Variants in KIAA1217 observed in about 807,000 individuals in gnomAD.
KIAA1217 encodes KIAA1217.
KIAA1217 carries 88 observed loss-of-function variants against 163.9 expected under a neutral mutation model. The observed-to-expected ratio is 0.54, with a 90% CI of 0.45 to 0.64. KIAA1217 has a LOEUF of 0.64. Ranked by LOEUF, KIAA1217 falls within the 30% of genes least tolerant of loss-of-function variation. The probability of loss-of-function intolerance (pLI) is 0.00; values close to 1 mark genes in which losing one functional copy is unlikely to be tolerated. For missense variants in KIAA1217, 2,372 were observed against 2,475.0 expected (o/e 0.96, Z 0.88); for synonymous variants, 903 against 923.1 (o/e 0.98, Z 0.39).
chr10:23,917,948 G>C (rs1682589556), intron 1 of KIAA1217, among the ~76,000 whole-genome samples: 1 of 152,150 alleles, frequency 6.6e-6, no homozygotes, highest in South Asian at 2.1e-4. Flanking sequence ...AACAAGACCA[G>C]TTTTAGCTTA....
intron 1 of KIAA1217, among the ~76,000 whole-genome samples, chr10:23,855,906 A>G (rs989830484): frequency 1.3e-5 from 2 of 151,986 alleles, no homozygotes; most frequent in South Asian, 2.1e-4. Context: ...CTAGTTATAC[A>G]TTTGTCTAAA....
At chr10:24,311,812 C>T (rs749668505) in intron 2 of KIAA1217, among the ~76,000 whole-genome samples, 9 of 151,946 alleles carry the variant, frequency 5.9e-5, no homozygotes, top group Admixed American at 3.3e-4. Flanking sequence ...AAAAGAAGTG[C>T]CGTTAGAATA....
intron 1 of KIAA1217, among the ~76,000 whole-genome samples, chr10:23,919,873 C>A (rs182925320): frequency 6.6e-6 from 1 of 152,260 alleles, no homozygotes; most frequent in African/African-American, 2.4e-5. Context: ...CCTTGGCCAC[C>A]TAGTTCCTTC....
At chr10:24,468,554 G>A (rs1024655221) in intron 5 of KIAA1217, among the ~76,000 whole-genome samples, 7 of 152,146 alleles carry the variant, frequency 4.6e-5, no homozygotes, top group African/African-American at 1.2e-4. Context: ...TGTATTCAGC[G>A]CCACTGTGGA....
chr10:24,071,060 C>A (rs796476461), intron 2 of KIAA1217, among the ~76,000 whole-genome samples: 1 of 151,946 alleles, frequency 6.6e-6, no homozygotes, highest in East Asian at 1.9e-4. Context: ...CCTAATGAGA[C>A]CAATTGAAGG....
At chr10:24,315,350 C>G (rs191759097) in intron 2 of KIAA1217, among the ~76,000 whole-genome samples, 1 of 152,234 alleles carries the variant, frequency 6.6e-6, no homozygotes, top group East Asian at 1.9e-4. Flanking sequence ...AAAGGGAAAC[C>G]CTCTAAGTAC....
chr10:24,024,996 C>A (rs1237862192), intron 2 of KIAA1217, among the ~76,000 whole-genome samples: 1 of 151,692 alleles, frequency 6.6e-6, no homozygotes, highest in Non-Finnish European at 1.5e-5. Flanking sequence ...CATTTCCTTA[C>A]CTTTAACTTT....
In KIAA1217 at chr10:24,187,124, C is replaced by T. The variant is rs117054200; in HGVS notation, c.-170-32502C>T. On this transcript the variant is annotated intron_variant, in intron 2 of 18. Coordinates refer to the KIAA1217 transcript ENST00000376462. The stretch of plus-strand genomic sequence containing the variant: ...GTCTGCCAGTCTGACCATTGTCCAT[C>T]GGAGCTGTTCATTAACTAATTGCAG... Among the ~76,000 whole-genome samples the T allele has an allele frequency of 3.7e-3, 393 of 105,424 alleles. 13 individuals are homozygous for T. The East Asian group carries it at 0.066, about 18-fold the overall frequency. 69.2% of individuals were successfully genotyped at this position (105,424 alleles called of 152,430 possible). A position where few individuals can be genotyped will look rare whatever the true frequency, so the allele number is the denominator to read the frequency against.
At chr10:24,055,560 C>T (rs1432808419) in intron 2 of KIAA1217, among the ~76,000 whole-genome samples, 1 of 152,164 alleles carries the variant, frequency 6.6e-6, no homozygotes, top group African/African-American at 2.4e-5. Context: ...ATTTGCATGA[C>T]ATAATTATTT....
intron 2 of KIAA1217, among the ~76,000 whole-genome samples, chr10:24,298,120 G>A (rs1366100747): frequency 2.6e-5 from 4 of 152,110 alleles, no homozygotes; most frequent in Non-Finnish European, 4.4e-5. Context: ...TTTCAATTGA[G>A]AGGATACTGT....
intron 2 of KIAA1217, among the ~76,000 whole-genome samples, chr10:24,048,114 A>G (rs891300110): frequency 6.6e-6 from 1 of 152,224 alleles, no homozygotes; most frequent in Non-Finnish European, 1.5e-5. Context: ...TCAAGGGTAC[A>G]GTATGTAATC....
At chr10:24,278,673 G>C (rs949476938) in intron 2 of KIAA1217, among the ~76,000 whole-genome samples, 1 of 152,124 alleles carries the variant, frequency 6.6e-6, no homozygotes, top group Admixed American at 6.6e-5. Context: ...CCTAATGTGT[G>C]CTGTCTAGTG....
At chr10:24,421,280 A>G (rs1417490156) in intron 3 of KIAA1217, among the ~76,000 whole-genome samples, 1 of 152,212 alleles carries the variant, frequency 6.6e-6, no homozygotes, top group African/African-American at 2.4e-5. Flanking sequence ...TGCTGGGATT[A>G]CAGACGTGAA....
chr10:24,239,695 GTT>G (rs201916923), intron 2 of KIAA1217, among the ~76,000 whole-genome samples: 35,261 of 140,030 alleles, frequency 0.25, 4,478 homozygotes, highest in East Asian at 0.34. Context: ...GTGTGTGTGT[GTT>G]TGTGTGTGTG....
intron 2 of KIAA1217, among the ~76,000 whole-genome samples, chr10:24,176,308 T>C (rs931385858): frequency 1.3e-5 from 2 of 152,074 alleles, no homozygotes; most frequent in Admixed American, 1.3e-4. Flanking sequence ...AGAGTGCTGA[T>C]TGGTGCATTT....
rs76526372 is a variant in KIAA1217 at position 23,696,875 on chromosome 10, G to C, written c.-321+1641G>C. ...AGGTCATCAGCAAGTACTGTTAAAT[G>C]AATAAATGAATGCATGAATTATGCA... On this transcript the variant is annotated intron_variant, in intron 1 of 18. Coordinates refer to the KIAA1217 transcript ENST00000376462. Among the ~76,000 whole-genome samples, 173 of 152,320 alleles carry C rather than the reference G, an allele frequency of 1.1e-3. 11 individuals are homozygous for C. The East Asian group carries it at 0.027, about 23-fold the overall frequency.
At chr10:24,095,936 C>T (rs1420669741) in intron 2 of KIAA1217, among the ~76,000 whole-genome samples, 1 of 152,084 alleles carries the variant, frequency 6.6e-6, no homozygotes, top group Non-Finnish European at 1.5e-5. Context: ...TGAGACCTGT[C>T]TCCGAAAAAC....
At chr10:23,971,862 C>T (rs542545081) in intron 1 of KIAA1217, among the ~76,000 whole-genome samples, 1 of 152,230 alleles carries the variant, frequency 6.6e-6, no homozygotes, top group South Asian at 2.1e-4. Context: ...TACCTGGAGG[C>T]TTCATCTGCA....
chr10:23,873,497 A>G lies in KIAA1217; in HGVS notation c.-320-133728A>G, dbSNP rs144673577. On this transcript the variant is annotated intron_variant, in intron 1 of 18. Coordinates refer to the KIAA1217 transcript ENST00000376462. ...GCCTTACTCATAAGTTAGGTAATTT[A>G]CTCCCAATTTTAAGACGGATAAATG... Among the ~76,000 whole-genome samples the G allele has an allele frequency of 4.6e-3, 701 of 152,104 alleles. 10 individuals are homozygous for G. Among genetic ancestry groups the G allele is most frequent in the African/African-American group, 0.016 (649 of 41,530 alleles).
Sources: allele counts gnomAD v4.1 joint callset (sites outside exome capture counted in the v4.1 genomes callset), GRCh38; gene constraint gnomAD v4.1.1; transcripts MANE v1.5; gene names NCBI Gene and HGNC (gene_info 2026-07-23, HGNC 2026-07-21).